Variants in KIAA1549L observed in about 807,000 individuals in gnomAD.
KIAA1549L encodes the protein KIAA1549 like.
In KIAA1549L, 88 loss-of-function variants were observed where a neutral mutation model predicts 160.7. The observed-to-expected ratio is 0.55, with a 90% CI of 0.46 to 0.65. The LOEUF is 0.65. KIAA1549L is among the 30% of genes least tolerant of loss of function. The pLI is 0.00. For synonymous variants in KIAA1549L, 950 were observed against 976.7 expected (o/e 0.97, Z 0.51); for missense variants, 2,258 against 2,437.5 (o/e 0.93, Z 1.55).
intron 1 of KIAA1549L, among the ~76,000 whole-genome samples, chr11:33,435,780 A>G (rs753007203): frequency 0.28 from 5,207 of 18,314 alleles, 769 homozygotes; most frequent in Middle Eastern, 0.4. Flanking sequence ...ATATATATAT[A>G]TATATATATA....
At position 33,435,800 on chromosome 11, in the gene KIAA1549L, A is replaced by ATATGTG. The variant is rs1554976797; in HGVS notation, c.238+58914_238+58915insGTGTAT. Among the ~76,000 whole-genome samples, 6 of 12,884 alleles carry ATATGTG rather than the reference A, an allele frequency of 4.7e-4. No homozygotes were observed. The East Asian group carries it at 0.01, about 21-fold the overall frequency. The allele number at this position is 12,884 out of a possible 152,430, so 8.5% of individuals were successfully genotyped here. A position where few individuals can be genotyped will look rare whatever the true frequency, so the allele number is the denominator to read the frequency against. Reference sequence around the variant, plus strand: ...TATATATATATATATATATATATATATATATATATATGTGTGTGTATATAT... The same window carrying ATATGTG: ...TATATATATATATATATATATATATATATGTGTATATATATATGTGTGTGTATATAT... On this transcript the variant is annotated intron_variant, in intron 1 of 20. Transcript: ENST00000658780.
chr11:33,503,893 G>C lies in KIAA1549L; in HGVS notation c.239-37909G>C, dbSNP rs148074593. On this transcript the variant is annotated intron_variant, in intron 1 of 20. Transcript: ENST00000658780. ...TGCAGCAGGAATGGTCAACAGGGTA[G>C]CCCCACTTTCATTATTCAGCTCTGA... Among the ~76,000 whole-genome samples, 195 of 152,348 alleles carry C rather than the reference G, an allele frequency of 1.3e-3. 4 individuals carry two copies. Among genetic ancestry groups the C allele is most frequent in the African/African-American group, 4.5e-3 (188 of 41,584 alleles).
At chr11:33,552,953 G>C (rs1015093788) in intron 6 of KIAA1549L, among the ~76,000 whole-genome samples, 1 of 151,942 alleles carries the variant, frequency 6.6e-6, no homozygotes, top group Admixed American at 6.6e-5. Flanking sequence ...TGAAGCCTGT[G>C]TCAAACAACA....
At chr11:33,547,484 C>T (rs1053296034) in intron 3 of KIAA1549L, among the ~76,000 whole-genome samples, 3 of 152,284 alleles carry the variant, frequency 2.0e-5, no homozygotes, top group Middle Eastern at 3.4e-3. Context: ...ACTGTCGAGC[C>T]GGCTTTCAAA....
At chr11:33,667,377 T>TAGTG (rs1296360357) in intron 20 of KIAA1549L, among the ~76,000 whole-genome samples, 2 of 152,000 alleles carry the variant, frequency 1.3e-5, no homozygotes, top group African/African-American at 4.8e-5. Flanking sequence ...ACAGTATATC[T>TAGTG]AGTGAGTGAG....
intron 9 of KIAA1549L, among the ~76,000 whole-genome samples, chr11:33,570,486 A>G (rs1172141981): frequency 2.6e-5 from 4 of 152,138 alleles, no homozygotes. Flanking sequence ...ACTGAGAGAA[A>G]CTATTAGATA....
chr11:33,479,190 T>G (rs1343771882), intron 1 of KIAA1549L, among the ~76,000 whole-genome samples: 1 of 152,218 alleles, frequency 6.6e-6, no homozygotes, highest in Non-Finnish European at 1.5e-5. Context: ...TTCTATGGAT[T>G]TGCTGGACTG....
At chr11:33,556,374 A>G (rs1040176104) in intron 6 of KIAA1549L, among the ~76,000 whole-genome samples, 1 of 152,248 alleles carries the variant, frequency 6.6e-6, no homozygotes, top group African/African-American at 2.4e-5. Context: ...TCATAGTAGC[A>G]TTATTCACAA....
At chr11:33,442,988 T>C (rs540809055) in intron 1 of KIAA1549L, among the ~76,000 whole-genome samples, 2 of 152,358 alleles carry the variant, frequency 1.3e-5, no homozygotes, top group South Asian at 4.1e-4. Context: ...TTATATTTTA[T>C]ATTTCAGAAA....
chr11:33,384,488 G>C (rs898669407), intron 1 of KIAA1549L, among the ~76,000 whole-genome samples: 1 of 152,002 alleles, frequency 6.6e-6, no homozygotes, highest in Non-Finnish European at 1.5e-5. Context: ...TGTTAGGGAC[G>C]TATTTCATCT....
chr11:33,607,255 C>T (rs1481342277), intron 14 of KIAA1549L, among the ~76,000 whole-genome samples: 1 of 152,086 alleles, frequency 6.6e-6, no homozygotes, highest in Non-Finnish European at 1.5e-5. Flanking sequence ...ATGTGGGCCA[C>T]TCTGGGGACT....
intron 1 of KIAA1549L, among the ~76,000 whole-genome samples, chr11:33,446,347 G>A (rs548383593): frequency 1.3e-5 from 2 of 152,082 alleles, no homozygotes; most frequent in African/African-American, 4.8e-5. Context: ...CGCCCATCTC[G>A]GCCTCCCAAA....
intron 1 of KIAA1549L, among the ~76,000 whole-genome samples, chr11:33,411,639 C>A (rs1430295899): frequency 6.6e-6 from 1 of 152,162 alleles, no homozygotes; most frequent in African/African-American, 2.4e-5. Context: ...ATGGCAGGGA[C>A]CCAGCTGTAG....
intron 1 of KIAA1549L, among the ~76,000 whole-genome samples, chr11:33,438,743 C>A (rs1369791514): frequency 7.2e-5 from 11 of 152,150 alleles, no homozygotes; most frequent in Non-Finnish European, 1.6e-4. Context: ...CGAGTCTCCA[C>A]TGTTAGAAGT....
At chr11:33,635,036 C>T (rs1590422173) in intron 16 of KIAA1549L, among the ~76,000 whole-genome samples, 1 of 152,202 alleles carries the variant, frequency 6.6e-6, no homozygotes, top group East Asian at 1.9e-4. Flanking sequence ...GAACCAATCT[C>T]ACTTTATTAT....
In KIAA1549L at chr11:33,669,424, T is replaced by C. The variant is rs906484492; in HGVS notation, c.*1270T>C. 2.0e-5 allele frequency: 3 copies of C among 152,172 alleles called. No homozygotes were observed. The highest frequency in any genetic ancestry group is 2.9e-5 in the Non-Finnish European group (2 of 68,040). The allele number at this position is 152,172 out of a possible 1,614,324, so 9.4% of individuals were successfully genotyped here. ...TGAGGCACCAGCCGCTGCCTACCCA[T>C]CAATGCAAGCAAAACAGCTACTGAC... On this transcript the variant is annotated 3_prime_UTR_variant, in exon 21 of 21. Transcript: ENST00000658780.
chr11:33,604,425 C>G (rs111624577), intron 13 of KIAA1549L, among the ~76,000 whole-genome samples: 1 of 152,140 alleles, frequency 6.6e-6, no homozygotes, highest in African/African-American at 2.4e-5. Context: ...AGTAGATCTA[C>G]TATTTGATCC....
chr11:33,472,824 G>C (rs1326499402), intron 1 of KIAA1549L, among the ~76,000 whole-genome samples: 1 of 152,100 alleles, frequency 6.6e-6, no homozygotes, highest in Non-Finnish European at 1.5e-5. Flanking sequence ...CAGTACTTTG[G>C]AGAGATTCAC....
chr11:33,623,481 G>A (rs994234987), intron 16 of KIAA1549L, among the ~76,000 whole-genome samples: 7 of 152,016 alleles, frequency 4.6e-5, no homozygotes, highest in Non-Finnish European at 1.0e-4. Context: ...ATGTTATCTC[G>A]ACTTAATTTA....
Sources: allele counts gnomAD v4.1 joint callset (sites outside exome capture counted in the v4.1 genomes callset), GRCh38; gene constraint gnomAD v4.1.1; transcripts MANE v1.5; gene names NCBI Gene and HGNC (gene_info 2026-07-23, HGNC 2026-07-21).